Variants in RPS6KC1 observed in about 807,000 individuals in gnomAD.
RPS6KC1 encodes ribosomal protein S6 kinase C1.
A neutral mutation model predicts 103.8 loss-of-function variants in RPS6KC1; 54 were observed. The observed-to-expected ratio is 0.52, with a 90% CI of 0.42 to 0.65. The LOEUF (loss-of-function observed/expected upper bound fraction) is 0.65, where lower values mean the gene tolerates loss of function less well. Among genes scored for constraint, RPS6KC1 ranks in the 30% least tolerant of loss-of-function variants. The pLI, the probability that RPS6KC1 is intolerant of heterozygous loss-of-function variation, is 0.00. For synonymous variants in RPS6KC1, 439 were observed against 438.7 expected, an observed-to-expected ratio of 1.00 and a Z score of -0.01; for missense variants, 1,151 against 1,253.8, an observed-to-expected ratio of 0.92 and a Z score of 1.24.
chr1:213,220,249 A>G (rs1573395797), intron 8 of RPS6KC1, among the ~76,000 whole-genome samples: 1 of 152,194 alleles, frequency 6.6e-6, no homozygotes, highest in East Asian at 1.9e-4. Context: ...ATTAGTTTAT[A>G]ACTAATTCTC....
intron 3 of RPS6KC1, among the ~76,000 whole-genome samples, chr1:213,089,764 A>G (rs1397197569): frequency 6.6e-6 from 1 of 152,048 alleles, no homozygotes; most frequent in Non-Finnish European, 1.5e-5. Flanking sequence ...GCCCGGCCCC[A>G]TTTTGCTGTT....
chr1:213,507,666 T>C, the RPS6KC1 span, among the ~76,000 whole-genome samples: 1 of 152,038 alleles, frequency 6.6e-6, no homozygotes, highest in Admixed American at 6.5e-5. Flanking sequence ...ATGGTTCTAT[T>C]ACAGCATTGA....
At chr1:213,425,159 C>T in the RPS6KC1 span, among the ~76,000 whole-genome samples, 5 of 152,168 alleles carry the variant, frequency 3.3e-5, no homozygotes, top group Admixed American at 1.3e-4. Flanking sequence ...ATCTTTCCCC[C>T]CCTTAACAAT....
chr1:213,323,624 C>T, the RPS6KC1 span, among the ~76,000 whole-genome samples: 1 of 152,170 alleles, frequency 6.6e-6, no homozygotes, highest in Non-Finnish European at 1.5e-5. Flanking sequence ...TTATCAAGTC[C>T]CTATTGCCCC....
At chr1:213,712,240 C>G in the RPS6KC1 span, among the ~76,000 whole-genome samples, 2 of 152,200 alleles carry the variant, frequency 1.3e-5, no homozygotes, top group African/African-American at 4.8e-5. Flanking sequence ...TAGAGGCAGT[C>G]TGGCTACAGT....
chr1:213,187,492 T>C (rs1364667005), intron 8 of RPS6KC1, among the ~76,000 whole-genome samples: 1 of 152,058 alleles, frequency 6.6e-6, no homozygotes, highest in African/African-American at 2.4e-5. Flanking sequence ...GTGATCCACC[T>C]GCCTCGGCCT....
At chr1:213,354,652 T>A in the RPS6KC1 span, among the ~76,000 whole-genome samples, 17 of 152,196 alleles carry the variant, frequency 1.1e-4, no homozygotes, top group Non-Finnish European at 2.4e-4. Flanking sequence ...CTTAAGGCAG[T>A]GCAGGACAAC....
chr1:213,643,415 A>T, the RPS6KC1 span, among the ~76,000 whole-genome samples: 1 of 151,524 alleles, frequency 6.6e-6, no homozygotes, highest in South Asian at 2.1e-4. Context: ...TTTGAAGGGT[A>T]TTATTTCTGT....
the RPS6KC1 span, among the ~76,000 whole-genome samples, chr1:213,431,175 C>T: frequency 6.6e-6 from 1 of 152,242 alleles, no homozygotes. Context: ...GAGAATGGGC[C>T]AGCACTGCAT....
chr1:213,354,854 T>C, the RPS6KC1 span, among the ~76,000 whole-genome samples: 58 of 152,340 alleles, frequency 3.8e-4, no homozygotes, highest in Non-Finnish European at 7.5e-4. Context: ...TATTGCCACA[T>C]TGGGGATTAA....
the RPS6KC1 span, among the ~76,000 whole-genome samples, chr1:213,471,768 T>C: frequency 6.6e-6 from 1 of 151,778 alleles, no homozygotes; most frequent in South Asian, 2.1e-4. Context: ...TTTTGGATTA[T>C]GGATACCATT....
chr1:213,102,390 T>C (rs910556291), intron 3 of RPS6KC1, among the ~76,000 whole-genome samples: 1 of 152,180 alleles, frequency 6.6e-6, no homozygotes, highest in African/African-American at 2.4e-5. Flanking sequence ...ACCCTGTTTG[T>C]GTCATTTTTA....
At chr1:213,847,980 C>T in the RPS6KC1 span, among the ~76,000 whole-genome samples, 1 of 152,080 alleles carries the variant, frequency 6.6e-6, no homozygotes, top group African/African-American at 2.4e-5. Context: ...CACACATACA[C>T]ACACACAGAG....
At chr1:213,160,391 A>G (rs1236027163) in intron 6 of RPS6KC1, among the ~76,000 whole-genome samples, 1 of 152,242 alleles carries the variant, frequency 6.6e-6, no homozygotes, top group African/African-American at 2.4e-5. Flanking sequence ...TTTTCATAAA[A>G]TTAAATCAAA....
the RPS6KC1 span, among the ~76,000 whole-genome samples, chr1:213,517,815 T>A: frequency 6.6e-6 from 1 of 152,210 alleles, no homozygotes; most frequent in South Asian, 2.1e-4. Flanking sequence ...ATCTGTCTAA[T>A]GTTGACAGTG....
the RPS6KC1 span, among the ~76,000 whole-genome samples, chr1:213,611,132 G>T: frequency 6.6e-6 from 1 of 152,088 alleles, no homozygotes; most frequent in Non-Finnish European, 1.5e-5. Context: ...AGTTTTGTTG[G>T]TAGTGGGGCC....
At chr1:213,143,743 CAA>C (rs1458020401) in intron 6 of RPS6KC1, among the ~76,000 whole-genome samples, 1 of 148,938 alleles carries the variant, frequency 6.7e-6, no homozygotes, top group African/African-American at 2.5e-5. Context: ...ATTTTCAAAA[CAA>C]ATTTTTAATT....
the RPS6KC1 span, chr1:213,821,603 C>T: frequency 1.3e-5 from 2 of 152,192 alleles, no homozygotes; most frequent in African/African-American, 4.8e-5. Flanking sequence ...TTTTATAACC[C>T]CCTGTTCTCA....
At chr1:213,732,111 GA>G in the RPS6KC1 span, among the ~76,000 whole-genome samples, 6 of 147,550 alleles carry the variant, frequency 4.1e-5, no homozygotes, top group East Asian at 3.9e-4. Flanking sequence ...TAGAATTTTT[GA>G]AAAAAAAACC....
Sources: gnomAD v4.1 joint callset for allele counts (sites outside exome capture counted in the v4.1 genomes callset) on GRCh38, gnomAD v4.1.1 for gene constraint, MANE v1.5 for transcripts, NCBI Gene and HGNC (gene_info 2026-07-23, HGNC 2026-07-21) for gene names.